Variants in SLC24A2 observed in about 807,000 individuals in gnomAD.
SLC24A2 encodes sodium/potassium/calcium exchanger 2.
In SLC24A2, 36 loss-of-function variants were observed where a neutral mutation model predicts 62.0. That is an observed-to-expected ratio of 0.58 (90% CI 0.44 to 0.77). SLC24A2 has a LOEUF of 0.77. SLC24A2 is among the 30% of genes least tolerant of loss of function. The pLI is 0.00. For synonymous variants in SLC24A2, 358 were observed against 294.0 expected (o/e 1.22, Z -2.23); for missense variants, 846 against 817.9 (o/e 1.03, Z -0.42).
At chr9:19,535,225 T>G (rs932594117) in intron 8 of SLC24A2, among the ~76,000 whole-genome samples, 1 of 152,176 alleles carries the variant, frequency 6.6e-6, no homozygotes, top group Admixed American at 6.5e-5. Context: ...CTTGTAAATT[T>G]AAGTTCTTTG....
intron 4 of SLC24A2, 139 bp from the exon 5 acceptor site, chr9:19,597,418 C>T (rs1836731262): frequency 1.4e-6 from 1 of 698,292 alleles, no homozygotes; most frequent in Non-Finnish European, 2.6e-6. Context: ...GATGTGCAAA[C>T]ATGGGCCATG....
At chr9:20,199,440 C>T in the SLC24A2 span, among the ~76,000 whole-genome samples, 1 of 152,194 alleles carries the variant, frequency 6.6e-6, no homozygotes, top group South Asian at 2.1e-4. Context: ...ATGGACTTTG[C>T]TTCTTAACCA....
At chr9:20,275,720 T>C in the SLC24A2 span, among the ~76,000 whole-genome samples, 3 of 152,162 alleles carry the variant, frequency 2.0e-5, no homozygotes, top group African/African-American at 7.2e-5. Context: ...TATGAAGAAA[T>C]GCCCAAGACT....
chr9:20,126,932 GT>G, the SLC24A2 span, among the ~76,000 whole-genome samples: 2 of 152,222 alleles, frequency 1.3e-5, no homozygotes, highest in East Asian at 3.9e-4. Context: ...ACTGGTTTCA[GT>G]TACTTACATA....
chr9:19,937,697 A>G, the SLC24A2 span, among the ~76,000 whole-genome samples: 1 of 152,228 alleles, frequency 6.6e-6, no homozygotes, highest in African/African-American at 2.4e-5. Context: ...TATTTTGTTT[A>G]TGATATTTGT....
chr9:19,870,754 T>C, the SLC24A2 span, among the ~76,000 whole-genome samples: 2 of 152,176 alleles, frequency 1.3e-5, no homozygotes, highest in Admixed American at 1.3e-4. Context: ...ACATCATGGA[T>C]AATAATGTTG....
chr9:19,562,754 A>G (rs1835467171), intron 7 of SLC24A2, among the ~76,000 whole-genome samples: 1 of 152,208 alleles, frequency 6.6e-6, no homozygotes, highest in Non-Finnish European at 1.5e-5. Context: ...TTTCTCTGAC[A>G]CTAGTGGATT....
At chr9:20,242,418 C>G in the SLC24A2 span, among the ~76,000 whole-genome samples, 1 of 152,204 alleles carries the variant, frequency 6.6e-6, no homozygotes, top group Non-Finnish European at 1.5e-5. Flanking sequence ...CAATCAACTG[C>G]AAACGAGGAA....
the SLC24A2 span, among the ~76,000 whole-genome samples, chr9:20,164,056 C>T: frequency 1.3e-5 from 2 of 152,238 alleles, no homozygotes; most frequent in African/African-American, 4.8e-5. Flanking sequence ...CATTACCATT[C>T]AGGACATAGG....
At chr9:19,770,635 A>G (rs1248025612) in intron 2 of SLC24A2, among the ~76,000 whole-genome samples, 2 of 152,224 alleles carry the variant, frequency 1.3e-5, no homozygotes, top group Admixed American at 6.5e-5. Flanking sequence ...GAAAATTGGA[A>G]ACAGATAAAT....
chr9:19,900,820 A>T, the SLC24A2 span, among the ~76,000 whole-genome samples: 1 of 152,214 alleles, frequency 6.6e-6, no homozygotes, highest in Admixed American at 6.5e-5. Context: ...AGTTCCACTG[A>T]CAATTTTGGG....
At chr9:19,767,404 G>T (rs1203938355) in intron 2 of SLC24A2, among the ~76,000 whole-genome samples, 3 of 152,176 alleles carry the variant, frequency 2.0e-5, no homozygotes, top group Non-Finnish European at 4.4e-5. Context: ...GTACAATTTT[G>T]TGCTTGAAAC....
chr9:20,210,139 CT>C, the SLC24A2 span, among the ~76,000 whole-genome samples: 1 of 152,150 alleles, frequency 6.6e-6, no homozygotes, highest in African/African-American at 2.4e-5. Flanking sequence ...AACAAGCCCA[CT>C]GTGGTGGGCT....
At chr9:19,549,639 A>G (rs7044917) in intron 8 of SLC24A2, among the ~76,000 whole-genome samples, 129,643 of 152,224 alleles carry the variant, frequency 0.85, 55,372 homozygotes, top group East Asian at 1. Flanking sequence ...GCTGAGCCTA[A>G]CCTTTGAATC....
chr9:20,261,435 A>AGTG, the SLC24A2 span, among the ~76,000 whole-genome samples: 5 of 152,146 alleles, frequency 3.3e-5, no homozygotes, highest in Admixed American at 2.0e-4. Flanking sequence ...TAAAAAGAAG[A>AGTG]GTGCCAGGGT....
the SLC24A2 span, among the ~76,000 whole-genome samples, chr9:19,913,910 C>A: frequency 6.6e-6 from 1 of 151,866 alleles, no homozygotes; most frequent in Non-Finnish European, 1.5e-5. Context: ...CCTGGGTAAG[C>A]ACTTAATTCT....
At chr9:19,652,519 G>T (rs796214535) in intron 2 of SLC24A2, among the ~76,000 whole-genome samples, 10 of 152,012 alleles carry the variant, frequency 6.6e-5, no homozygotes, top group African/African-American at 2.2e-4. Context: ...TTGAAGATGG[G>T]GGAATGGGAC....
chr9:20,164,573 T>A, the SLC24A2 span, among the ~76,000 whole-genome samples: 2 of 150,976 alleles, frequency 1.3e-5, no homozygotes, highest in East Asian at 2.0e-4. Context: ...GAAGTCAGTG[T>A]GGCGATTCCT....
chr9:20,167,170 G>C, the SLC24A2 span, among the ~76,000 whole-genome samples: 1 of 151,958 alleles, frequency 6.6e-6, no homozygotes, highest in East Asian at 1.9e-4. Flanking sequence ...AAAATAAAAG[G>C]ATACGTTTAA....
Sources: gnomAD v4.1 joint callset for allele counts (sites outside exome capture counted in the v4.1 genomes callset) on GRCh38, gnomAD v4.1.1 for gene constraint, MANE v1.5 for transcripts, NCBI Gene and HGNC (gene_info 2026-07-23, HGNC 2026-07-21) for gene names.